The following LNPK variants were observed in gnomAD, a reference collection of about 807,000 sequenced individuals.
LNPK encodes the protein lunapark, ER junction formation factor, also known as endoplasmic reticulum junction formation protein lunapark.
LNPK carries 29 observed loss-of-function variants against 55.2 expected under a neutral mutation model. That is an observed-to-expected ratio of 0.53 (90% CI 0.39 to 0.72). The LOEUF (loss-of-function observed/expected upper bound fraction) is 0.72. Among genes scored for constraint, LNPK ranks in the 30% least tolerant of loss-of-function variants. The pLI is 0.00. For synonymous variants in LNPK, 162 were observed against 168.2 expected, an observed-to-expected ratio of 0.96 and a Z score of 0.29; for missense variants, 467 against 494.8, an observed-to-expected ratio of 0.94 and a Z score of 0.53.
chr2:175,937,491 A>G lies in LNPK; in HGVS notation c.907T>C (p.Phe303Leu), dbSNP rs1432665364. 1 of 1,612,946 alleles carries G rather than the reference A, an allele frequency of 6.2e-7. No homozygotes were observed. Among genetic ancestry groups the G allele is most frequent in the Non-Finnish European group, 8.5e-7 (1 of 1,179,486 alleles). Residue 303 changes from phenylalanine (F) to leucine (L), a missense_variant, in exon 12 of 13, where the codon TTC (phenylalanine) becomes CTC (leucine). Coordinates refer to ENST00000272748, the MANE Select transcript of LNPK (RefSeq NM_030650.3). Reference sequence around the variant, plus strand: ...CTGGTTTTTCTTGCAGGGTTCAAGAAAAAACAGTAGGCACATCGAAAAGCT... The same window carrying G: ...CTGGTTTTTCTTGCAGGGTTCAAGAGAAAACAGTAGGCACATCGAAAAGCT... ...YIAFRCAYCF[F>L]LNPARKTRPQ...
intron 4 of LNPK, among the ~76,000 whole-genome samples, chr2:175,980,123 G>A (rs954419447): frequency 6.6e-6 from 1 of 152,164 alleles, no homozygotes; most frequent in African/African-American, 2.4e-5. Context: ...GTGCATAAGT[G>A]CATTTCTCTG....
chr2:175,959,025 TA>T (rs755185590), intron 8 of LNPK, among the ~76,000 whole-genome samples: 35 of 151,150 alleles, frequency 2.3e-4, no homozygotes, highest in Non-Finnish European at 4.1e-4. Flanking sequence ...GAGAAAAGAG[TA>T]AAAAGAAATG....
At chr2:175,950,748 CCT>C (rs1446508646) in intron 8 of LNPK, among the ~76,000 whole-genome samples, 1 of 152,002 alleles carries the variant, frequency 6.6e-6, no homozygotes, top group Non-Finnish European at 1.5e-5. Context: ...CGAATACTTA[CCT>C]CTTATGCTTG....
intron 9 of LNPK, among the ~76,000 whole-genome samples, chr2:175,941,296 T>C (rs979633274): frequency 6.7e-6 from 1 of 149,164 alleles, no homozygotes; most frequent in Non-Finnish European, 1.5e-5. Flanking sequence ...TATATTTATA[T>C]TTATATTTAT....
At position 175,929,966 on chromosome 2, in the gene LNPK, A is replaced by C. The variant is rs1436876002; in HGVS notation, c.*1T>G. 2.5e-6 allele frequency: 4 copies of C among 1,613,980 alleles called. No individual in the cohort carries two copies. The highest frequency in any genetic ancestry group is 3.4e-6 in the Non-Finnish European group (4 of 1,179,900). The stretch of plus-strand genomic sequence containing the variant: ...CAGTTGAAGGCACGTGGAAGCATTT[A>C]CTACTCTGCCGTCAAAGATTCTCCA... On this transcript the variant is annotated 3_prime_UTR_variant, in exon 13 of 13. Transcript: ENST00000272748.
At chr2:175,957,040 T>C (rs895741334) in intron 8 of LNPK, among the ~76,000 whole-genome samples, 2 of 152,004 alleles carry the variant, frequency 1.3e-5, no homozygotes, top group Non-Finnish European at 2.9e-5. Context: ...CCCAACCTCA[T>C]CCTCACTAAG....
intron 12 of LNPK, chr2:175,935,840 T>G (rs1684518963): frequency 2.7e-6 from 1 of 373,022 alleles, no homozygotes. Context: ...TTGCTAACTA[T>G]CTATCTTGAC....
intron 4 of LNPK, among the ~76,000 whole-genome samples, 174 bp from the exon 5 acceptor site, chr2:175,980,042 A>C (rs535919509): frequency 6.6e-6 from 1 of 152,336 alleles, no homozygotes; most frequent in East Asian, 1.9e-4. Flanking sequence ...CTGTGCTTTC[A>C]AAGGAGGAGT....
intron 8 of LNPK, among the ~76,000 whole-genome samples, chr2:175,949,244 C>T (rs368098832): frequency 6.6e-6 from 1 of 152,188 alleles, no homozygotes; most frequent in East Asian, 1.9e-4. Context: ...AAAATTTCAG[C>T]TGTTACCTGA....
Position 175,995,629 on chromosome 2 carries a change from G to A in LNPK, c.-45C>T. ...GGCACAATGATAAATATCATCAATT[G>A]TCCAAAGGAATTCACAGCTAGAAAT... is the stretch of plus-strand genomic sequence containing the variant. On this transcript the variant is annotated 5_prime_UTR_variant, in exon 2 of 13. Transcript: ENST00000272748. 1 of 1,502,824 alleles carries A rather than the reference G, an allele frequency of 6.7e-7. No homozygotes were observed. The highest frequency in any genetic ancestry group is 9.3e-7 in the Non-Finnish European group (1 of 1,080,284). The allele number at this position is 1,502,824 out of a possible 1,614,324, so 93.1% of individuals were successfully genotyped here.
intron 5 of LNPK, among the ~76,000 whole-genome samples, chr2:175,972,977 C>T (rs968535799): frequency 5.9e-5 from 9 of 152,152 alleles, no homozygotes; most frequent in East Asian, 1.9e-4. Context: ...AATTTCACCT[C>T]GGATAATGCA....
chr2:175,996,799 TG>T (rs1479891217), intron 1 of LNPK, among the ~76,000 whole-genome samples: 1 of 152,218 alleles, frequency 6.6e-6, no homozygotes, highest in Non-Finnish European at 1.5e-5. Flanking sequence ...GACTCTCGAA[TG>T]TTTTATAATA....
Position 175,929,340 on chromosome 2 carries a change from G to A in LNPK, c.*627C>T, listed in dbSNP as rs566689242. ...AAAGACATCAAAAAGAAACACTGCA[G>A]TTGACTGTTTCATTGCATTCTCACT... On this transcript the variant is annotated 3_prime_UTR_variant, in exon 13 of 13. Coordinates refer to ENST00000272748, the MANE Select transcript of LNPK (RefSeq NM_030650.3). 3.4e-4 allele frequency: 337 copies of A among 985,474 alleles called. No homozygotes were observed. In the African/African-American group the frequency reaches 5.1e-3, roughly 15 times the overall value. 61.0% of individuals were successfully genotyped at this position (985,474 alleles called of 1,614,324 possible).
At position 175,947,783 on chromosome 2, in the gene LNPK, C is replaced by T. The variant is rs1685219709; in HGVS notation, c.494-91G>A. 14 of 827,122 alleles carry T rather than the reference C, an allele frequency of 1.7e-5. No homozygotes were observed. The East Asian group carries it at 3.8e-4, about 22-fold the overall frequency. 51.2% of individuals were successfully genotyped at this position (827,122 alleles called of 1,614,324 possible). ...ATTTATATTTATTAAAATTTTACGCCCCAAAAGGCATTGTAGTGTCAAAAT... is the reference window on the plus strand; with the variant it reads ...ATTTATATTTATTAAAATTTTACGCTCCAAAAGGCATTGTAGTGTCAAAAT... On this transcript the variant is annotated intron_variant, in intron 8 of 12. Coordinates refer to ENST00000272748, the MANE Select transcript of LNPK (RefSeq NM_030650.3).
intron 8 of LNPK, among the ~76,000 whole-genome samples, chr2:175,950,340 C>CTA (rs576133939): frequency 1.0e-3 from 155 of 152,154 alleles, no homozygotes; most frequent in African/African-American, 3.3e-3. Flanking sequence ...TAGTGTTTGA[C>CTA]AGTACAGTAG....
At chr2:175,978,345 C>A (rs1574879222) in intron 5 of LNPK, among the ~76,000 whole-genome samples, 1 of 152,054 alleles carries the variant, frequency 6.6e-6, no homozygotes, top group East Asian at 1.9e-4. Flanking sequence ...TGGGACCAAT[C>A]CCTCACAGAT....
Position 175,926,058 on chromosome 2 carries a change from C to T in LNPK, c.*3909G>A, listed in dbSNP as rs1281443777. 1 of 152,200 alleles carries T rather than the reference C, an allele frequency of 6.6e-6. No individual in the cohort carries two copies. Among genetic ancestry groups the T allele is most frequent in the African/African-American group, 2.4e-5 (1 of 41,440 alleles). 9.4% of individuals were successfully genotyped at this position (152,200 alleles called of 1,614,324 possible). A position where few individuals can be genotyped will look rare whatever the true frequency, so the allele number is the denominator to read the frequency against. ...GGAGACAAAGAAACCAGTTAAGAGA[C>T]AGCTTTGGTAATCTGAAATGATGGA... is the stretch of plus-strand genomic sequence containing the variant. On this transcript the variant is annotated 3_prime_UTR_variant, in exon 13 of 13. Coordinates refer to ENST00000272748, the MANE Select transcript of LNPK (RefSeq NM_030650.3).
At chr2:175,962,528 C>T (rs1686094622) in intron 8 of LNPK, among the ~76,000 whole-genome samples, 2 of 152,180 alleles carry the variant, frequency 1.3e-5, no homozygotes, top group Admixed American at 1.3e-4. Flanking sequence ...TGCATCCCTT[C>T]CTTACACCTT....
chr2:175,960,166 C>A (rs1685937291), intron 8 of LNPK, among the ~76,000 whole-genome samples: 1 of 152,128 alleles, frequency 6.6e-6, no homozygotes, highest in Admixed American at 6.5e-5. Context: ...AGAAGGTTAA[C>A]AAGGATATCC....
Sources: gnomAD v4.1 joint callset for allele counts (sites outside exome capture counted in the v4.1 genomes callset) on GRCh38, gnomAD v4.1.1 for gene constraint, MANE v1.5 for transcripts, NCBI Gene and HGNC (gene_info 2026-07-23, HGNC 2026-07-21) for gene names.